The following SCFD2 variants were observed in gnomAD, a reference collection of about 807,000 sequenced individuals.
The protein encoded by SCFD2 is sec1 family domain-containing protein 2.
A neutral mutation model predicts 58.9 loss-of-function variants in SCFD2; 54 were observed. That is an observed-to-expected ratio of 0.92 (90% CI 0.74 to 1.15). SCFD2 has a LOEUF of 1.15. Ranked by LOEUF, SCFD2 falls within the 50% of genes most tolerant of loss-of-function variation. The pLI is 0.00. For missense variants in SCFD2, 805 were observed against 836.6 expected (o/e 0.96, Z 0.47); for synonymous variants, 321 against 335.9 (o/e 0.96, Z 0.49).
chr4:53,287,843 CA>C (rs1270881242), intron 3 of SCFD2, among the ~76,000 whole-genome samples: 1 of 151,896 alleles, frequency 6.6e-6, no homozygotes, highest in African/African-American at 2.4e-5. Flanking sequence ...TGAATTAAAC[CA>C]GAAAATAATT....
At chr4:53,235,767 G>T (rs1729583696) in intron 4 of SCFD2, among the ~76,000 whole-genome samples, 1 of 152,164 alleles carries the variant, frequency 6.6e-6, no homozygotes, top group Admixed American at 6.5e-5. Context: ...AAGAGGAAAT[G>T]AAAGTATGAG....
chr4:53,158,309 C>T (rs1416014386), intron 4 of SCFD2, among the ~76,000 whole-genome samples: 2 of 152,148 alleles, frequency 1.3e-5, no homozygotes, highest in African/African-American at 4.8e-5. Context: ...ATATCTCCAG[C>T]CAAATTTCTC....
At chr4:53,125,499 C>T (rs182001245) in intron 5 of SCFD2, among the ~76,000 whole-genome samples, 1 of 152,322 alleles carries the variant, frequency 6.6e-6, no homozygotes, top group Admixed American at 6.5e-5. Flanking sequence ...ATCAGATATT[C>T]TCCTGCATGT....
intron 5 of SCFD2, among the ~76,000 whole-genome samples, chr4:53,084,281 G>A (rs147181204): frequency 0.011 from 1,657 of 152,144 alleles, 22 homozygotes; most frequent in African/African-American, 0.038. Context: ...AGAATTTAGC[G>A]ATATCTTTCC....
intron 5 of SCFD2, among the ~76,000 whole-genome samples, chr4:52,953,658 A>C (rs1720650955): frequency 6.6e-6 from 1 of 152,216 alleles, no homozygotes; most frequent in South Asian, 2.1e-4. Flanking sequence ...GTCAAGTGTC[A>C]AGGGCTGCAC....
chr4:53,249,395 C>T (rs1730259364), intron 4 of SCFD2, among the ~76,000 whole-genome samples: 1 of 152,154 alleles, frequency 6.6e-6, no homozygotes, highest in Admixed American at 6.5e-5. Context: ...GGATATTATC[C>T]AGGAGAACTT....
intron 5 of SCFD2, among the ~76,000 whole-genome samples, chr4:53,072,147 T>A (rs1245968402): frequency 6.6e-6 from 1 of 152,086 alleles, no homozygotes; most frequent in African/African-American, 2.4e-5. Context: ...GAAAATCTCA[T>A]GTGCAACAGA....
At chr4:53,154,959 A>ATTT (rs953734321) in intron 4 of SCFD2, among the ~76,000 whole-genome samples, 1 of 152,200 alleles carries the variant, frequency 6.6e-6, no homozygotes, top group African/African-American at 2.4e-5. Flanking sequence ...CAAGGAAACA[A>ATTT]ATTCTCTCCT....
intron 5 of SCFD2, among the ~76,000 whole-genome samples, chr4:53,008,677 G>A (rs778273255): frequency 2.0e-5 from 3 of 152,074 alleles, no homozygotes; most frequent in Non-Finnish European, 4.4e-5. Context: ...AATAATGAAA[G>A]CTTTCTAGAG....
chr4:53,002,754 C>T (rs1721890571), intron 5 of SCFD2, among the ~76,000 whole-genome samples: 1 of 152,190 alleles, frequency 6.6e-6, no homozygotes, highest in South Asian at 2.1e-4. Context: ...CCAGTCTGTT[C>T]TCACACTGCT....
intron 5 of SCFD2, among the ~76,000 whole-genome samples, chr4:53,029,697 A>G (rs552629449): frequency 4.1e-4 from 63 of 152,218 alleles, no homozygotes; most frequent in Non-Finnish European, 4.0e-4. Context: ...TGATCAACTG[A>G]TTTTGATAAA....
intron 5 of SCFD2, among the ~76,000 whole-genome samples, chr4:53,084,773 C>T (rs1724257291): frequency 6.6e-6 from 1 of 152,046 alleles, no homozygotes; most frequent in Non-Finnish European, 1.5e-5. Context: ...GTCATATCAA[C>T]AGAATGAAGA....
In SCFD2 at chr4:52,930,307, T is replaced by G. The variant is rs574105159; in HGVS notation, c.1562-9437A>C. On this transcript the variant is annotated intron_variant, in intron 5 of 8. Transcript: ENST00000401642. ...GTGCTGGGAAAACTGGCTAGCCATATGCAGAAAATTGAAACTGGAACCCTT... is the reference window on the plus strand; with the variant it reads ...GTGCTGGGAAAACTGGCTAGCCATAGGCAGAAAATTGAAACTGGAACCCTT... Among the ~76,000 whole-genome samples the G allele has an allele frequency of 5.3e-5, 8 of 152,294 alleles. No individual in the cohort carries two copies. The South Asian group carries it at 1.5e-3, about 28-fold the overall frequency.
chr4:53,046,827 C>T (rs774261158), intron 5 of SCFD2, among the ~76,000 whole-genome samples: 4 of 152,066 alleles, frequency 2.6e-5, no homozygotes, highest in Non-Finnish European at 5.9e-5. Context: ...GCCACCACAT[C>T]CAGCTAATTT....
intron 5 of SCFD2, among the ~76,000 whole-genome samples, chr4:53,038,937 G>A (rs1391771832): frequency 6.6e-6 from 1 of 152,052 alleles, no homozygotes; most frequent in Non-Finnish European, 1.5e-5. Flanking sequence ...TGATCCTCCT[G>A]CCTCAGTCTC....
intron 5 of SCFD2, among the ~76,000 whole-genome samples, chr4:53,004,934 G>A (rs1029882028): frequency 6.6e-6 from 1 of 152,122 alleles, no homozygotes; most frequent in African/African-American, 2.4e-5. Context: ...TCGCTCTGTC[G>A]CTCAGGCTGA....
At chr4:53,223,614 C>T (rs1330816997) in intron 4 of SCFD2, among the ~76,000 whole-genome samples, 3 of 152,216 alleles carry the variant, frequency 2.0e-5, no homozygotes, top group Non-Finnish European at 4.4e-5. Flanking sequence ...TCCTTCAAAA[C>T]ATAGTCTCAC....
chr4:53,328,373 A>C (rs1469114495), intron 2 of SCFD2, among the ~76,000 whole-genome samples: 1 of 152,188 alleles, frequency 6.6e-6, no homozygotes, highest in African/African-American at 2.4e-5. Flanking sequence ...TTCCAGGACT[A>C]GCTAGGATAG....
At chr4:53,153,787 T>A (rs1726583193) in intron 4 of SCFD2, among the ~76,000 whole-genome samples, 1 of 152,182 alleles carries the variant, frequency 6.6e-6, no homozygotes, top group Admixed American at 6.5e-5. Flanking sequence ...TTTAAGTAAT[T>A]TTTTTGCTCC....
Sources: allele counts gnomAD v4.1 joint callset (sites outside exome capture counted in the v4.1 genomes callset), GRCh38; gene constraint gnomAD v4.1.1; transcripts MANE v1.5; gene names NCBI Gene and HGNC (gene_info 2026-07-23, HGNC 2026-07-21).